The following WDPCP variants were observed in gnomAD, a reference collection of about 807,000 sequenced individuals.
WDPCP encodes WD repeat-containing and planar cell polarity effector protein fritz homolog.
In WDPCP, 71 loss-of-function variants were observed where a neutral mutation model predicts 93.1. That is an observed-to-expected ratio of 0.76 (90% CI 0.63 to 0.93). The LOEUF is 0.93. Ranked by LOEUF, WDPCP falls within the 40% of genes least tolerant of loss-of-function variation. WDPCP has a pLI of 0.00. For synonymous variants in WDPCP, 315 were observed against 315.0 expected, an observed-to-expected ratio of 1.00 and a Z score of 0.00; for missense variants, 844 against 887.4, an observed-to-expected ratio of 0.95 and a Z score of 0.62.
intron 2 of WDPCP, among the ~76,000 whole-genome samples, chr2:63,666,114 A>G (rs182418446): frequency 9.7e-4 from 148 of 152,352 alleles, no homozygotes; most frequent in Middle Eastern, 3.4e-3. Flanking sequence ...AATTTTAGAT[A>G]CTAAGGACCT....
chr2:63,413,291 A>G (rs1430490521), intron 9 of WDPCP, among the ~76,000 whole-genome samples: 1 of 152,238 alleles, frequency 6.6e-6, no homozygotes, highest in Non-Finnish European at 1.5e-5. Flanking sequence ...CTATTCAACA[A>G]ATGATGCTAG....
intron 13 of WDPCP, among the ~76,000 whole-genome samples, chr2:63,291,405 A>G (rs1223145046): frequency 6.6e-6 from 1 of 152,250 alleles, no homozygotes; most frequent in African/African-American, 2.4e-5. Flanking sequence ...TGTGCTACAC[A>G]GACTTATTTT....
intron 14 of WDPCP, among the ~76,000 whole-genome samples, chr2:63,182,280 T>G (rs1383792953): frequency 1.3e-5 from 2 of 152,036 alleles, no homozygotes; most frequent in Admixed American, 6.6e-5. Context: ...TTTTCTGTGG[T>G]CTTATCATAT....
chr2:63,717,570 T>C, intron 2 of WDPCP: 3 of 518,868 alleles, frequency 5.8e-6, no homozygotes, highest in Middle Eastern at 3.3e-4. Context: ...TAAGGAAGAC[T>C]GATTCATGGT....
At chr2:63,683,515 G>A (rs983623187) in intron 2 of WDPCP, among the ~76,000 whole-genome samples, 1 of 151,822 alleles carries the variant, frequency 6.6e-6, no homozygotes, top group Non-Finnish European at 1.5e-5. Flanking sequence ...ATCATAATAT[G>A]ATATTTATAT....
intron 10 of WDPCP, among the ~76,000 whole-genome samples, chr2:63,382,502 A>G (rs1243456566): frequency 6.6e-6 from 1 of 152,150 alleles, no homozygotes; most frequent in Non-Finnish European, 1.5e-5. Context: ...TCAAAATGGT[A>G]GGTTACAAAA....
chr2:63,357,314 C>T (rs1459294403), intron 12 of WDPCP, among the ~76,000 whole-genome samples: 2 of 152,044 alleles, frequency 1.3e-5, no homozygotes. Flanking sequence ...GCTAAAGAAA[C>T]CAACAGAGTA....
At chr2:63,249,656 A>T (rs1211284314) in intron 14 of WDPCP, among the ~76,000 whole-genome samples, 1 of 152,174 alleles carries the variant, frequency 6.6e-6, no homozygotes, top group Non-Finnish European at 1.5e-5. Context: ...AGAGCTTCCT[A>T]TTCTGAAATT....
At chr2:63,202,371 G>A (rs1675981096) in intron 14 of WDPCP, among the ~76,000 whole-genome samples, 1 of 151,706 alleles carries the variant, frequency 6.6e-6, no homozygotes, top group African/African-American at 2.4e-5. Context: ...TTCATTTGTT[G>A]CCTAAGATAT....
intron 2 of WDPCP, among the ~76,000 whole-genome samples, chr2:63,487,856 G>T (rs1228270316): frequency 2.6e-5 from 4 of 152,100 alleles, no homozygotes; most frequent in African/African-American, 9.7e-5. Context: ...GATGAAATCA[G>T]TGGATGGAAG....
intron 1 of WDPCP, among the ~76,000 whole-genome samples, chr2:63,827,415 T>C (rs1671130299): frequency 6.6e-6 from 1 of 152,194 alleles, no homozygotes; most frequent in Admixed American, 6.5e-5. Context: ...TGGTCTCCTA[T>C]ACATGTTGAT....
At chr2:63,774,807 C>T (rs962789746) in intron 2 of WDPCP, among the ~76,000 whole-genome samples, 13 of 152,212 alleles carry the variant, frequency 8.5e-5, no homozygotes, top group Admixed American at 4.6e-4. Flanking sequence ...AGAGCAGGCC[C>T]CTCATTTTCA....
intron 8 of WDPCP, among the ~76,000 whole-genome samples, chr2:63,434,811 A>G (rs182883129): frequency 8.5e-5 from 13 of 152,248 alleles, no homozygotes; most frequent in Admixed American, 7.9e-4. Flanking sequence ...TACATGACAG[A>G]TTGCTTTCAT....
At chr2:63,793,797 C>G (rs376414224) in intron 2 of WDPCP, among the ~76,000 whole-genome samples, 1 of 147,682 alleles carries the variant, frequency 6.8e-6, no homozygotes, top group Non-Finnish European at 1.5e-5. Context: ...ACTGAACTCT[C>G]TATAAATATT....
At chr2:63,828,912 T>TA (rs1313191229), upstream of WDPCP, among the ~76,000 whole-genome samples, 1 of 152,214 alleles carries the variant, frequency 6.6e-6, no homozygotes, top group Non-Finnish European at 1.5e-5. Context: ...ATCATTTTTT[T>TA]ACTCAAGAAA....
rs181906836 is a variant in WDPCP at position 63,138,722 on chromosome 2, G to A, written c.2190+14192C>T. 9.8e-4 allele frequency among the ~76,000 whole-genome samples: 149 copies of A among 152,224 alleles called. 3 individuals carry two copies. Among genetic ancestry groups the A allele is most frequent in the African/African-American group, 3.3e-3 (136 of 41,534 alleles). On this transcript the variant is annotated intron_variant, in intron 17 of 17. Coordinates refer to ENST00000272321, the MANE Select transcript of WDPCP (RefSeq NM_015910.7). Reference sequence around the variant, plus strand: ...CCGCCTCAGCCTCCGAAAGTTCTGGGATTACAGGCATGAGCCACCGTGCCC... The same window carrying A: ...CCGCCTCAGCCTCCGAAAGTTCTGGAATTACAGGCATGAGCCACCGTGCCC...
intron 13 of WDPCP, among the ~76,000 whole-genome samples, chr2:63,303,970 C>CAAAAAAAAAAAA (rs34553510): frequency 7.6e-6 from 1 of 131,360 alleles, no homozygotes. Context: ...AGTAAAAAGT[C>CAAAAAAAAAAAA]AAAAAAAAAA....
intron 6 of WDPCP, among the ~76,000 whole-genome samples, chr2:63,473,978 T>C (rs1235425931): frequency 6.6e-6 from 1 of 152,158 alleles, no homozygotes; most frequent in African/African-American, 2.4e-5. Flanking sequence ...GTGTAATTAA[T>C]CCTTATTCCT....
intron 6 of WDPCP, chr2:63,441,898 A>G (rs1048603430): frequency 3.9e-5 from 6 of 152,190 alleles, no homozygotes; most frequent in African/African-American, 1.2e-4. Flanking sequence ...GAAATCAAAT[A>G]TAATTCTTAA....
Sources: gnomAD v4.1 joint callset for allele counts (sites outside exome capture counted in the v4.1 genomes callset) on GRCh38, gnomAD v4.1.1 for gene constraint, MANE v1.5 for transcripts, NCBI Gene and HGNC (gene_info 2026-07-23, HGNC 2026-07-21) for gene names.